The following EIF4G3 variants were observed in gnomAD, a reference collection of about 807,000 sequenced individuals.
EIF4G3 encodes eIF-4-gamma 3.
In EIF4G3, 34 loss-of-function variants were observed where a neutral mutation model predicts 186.4. That is an observed-to-expected ratio of 0.18 (90% CI 0.14 to 0.24). EIF4G3 has a LOEUF of 0.24. Ranked by LOEUF, EIF4G3 falls within the 10% of genes least tolerant of loss-of-function variation. The pLI is 1.00. For synonymous variants in EIF4G3, 673 were observed against 679.5 expected (o/e 0.99, Z 0.15); for missense variants, 1,536 against 1,948.5 (o/e 0.79, Z 3.99).
intron 2 of EIF4G3, among the ~76,000 whole-genome samples, chr1:21,166,928 C>T (rs1371863350): frequency 6.6e-6 from 1 of 151,906 alleles, no homozygotes; most frequent in South Asian, 2.1e-4. Context: ...ACTACAGGCA[C>T]GTGCAACCGC....
chr1:20,975,771 G>T (rs2076734711), intron 10 of EIF4G3, among the ~76,000 whole-genome samples: 1 of 151,896 alleles, frequency 6.6e-6, no homozygotes. Flanking sequence ...TCTTATGCAT[G>T]GAATGAAGTA....
chr1:20,892,054 A>G lies in EIF4G3; in HGVS notation c.2253+1463T>C, dbSNP rs2086262443. 3.3e-5 allele frequency among the ~76,000 whole-genome samples: 5 copies of G among 152,282 alleles called. No individual in the cohort carries two copies. In the South Asian group the frequency reaches 1.0e-3, roughly 32 times the overall value. On this transcript the variant is annotated intron_variant, in intron 18 of 36. Transcript: ENST00000602326. ...TGTAGGCATTCAAGTATACGCCATC[A>G]CTGTTCGGTTGCAGGAAAATAATCA...
At chr1:20,963,291 T>G (rs569342067) in intron 12 of EIF4G3, among the ~76,000 whole-genome samples, 6 of 152,202 alleles carry the variant, frequency 3.9e-5, no homozygotes, top group Non-Finnish European at 8.8e-5. Context: ...GTTTTCAAAT[T>G]ATCACAATGT....
At chr1:21,155,854 C>T (rs2097649920) in intron 2 of EIF4G3, among the ~76,000 whole-genome samples, 1 of 152,128 alleles carries the variant, frequency 6.6e-6, no homozygotes, top group African/African-American at 2.4e-5. Context: ...AAGCCGGGTG[C>T]AGTGGCTCAG....
intron 2 of EIF4G3, among the ~76,000 whole-genome samples, chr1:21,106,905 C>CT (rs2096628262): frequency 1.3e-5 from 2 of 152,268 alleles, no homozygotes; most frequent in South Asian, 2.1e-4. Flanking sequence ...ACTTTACACT[C>CT]TACTGTTGAC....
At chr1:20,971,274 G>C (rs886335923) in intron 11 of EIF4G3, among the ~76,000 whole-genome samples, 1 of 152,176 alleles carries the variant, frequency 6.6e-6, no homozygotes, top group East Asian at 1.9e-4. Context: ...AAACTACCTG[G>C]ATCTGGACGC....
intron 4 of EIF4G3, among the ~76,000 whole-genome samples, chr1:21,020,369 G>A (rs1344557986): frequency 1.3e-5 from 2 of 152,086 alleles, no homozygotes; most frequent in Admixed American, 6.6e-5. Context: ...GCATGCCTGT[G>A]GTCTGAGCTA....
intron 20 of EIF4G3, among the ~76,000 whole-genome samples, 182 bp downstream of exon 20, chr1:20,879,141 G>T (rs2081626373): frequency 6.6e-6 from 1 of 152,094 alleles, no homozygotes; most frequent in South Asian, 2.1e-4. Flanking sequence ...ATCCCCTCCA[G>T]AGGGGAGTAT....
Position 21,022,752 on chromosome 1 carries a change from T to C in EIF4G3, c.-66-19944A>G, listed in dbSNP as rs748953432. 2.8e-4 allele frequency among the ~76,000 whole-genome samples: 43 copies of C among 152,154 alleles called. 1 individual carries two copies. The highest frequency in any genetic ancestry group is 5.9e-4 in the Non-Finnish European group (40 of 68,008). On this transcript the variant is annotated intron_variant, in intron 4 of 36. Coordinates refer to ENST00000602326, the MANE Select transcript of EIF4G3 (RefSeq NM_001391906.1). ...CATGCGTCATCACAATTAAGCTAGG[T>C]CTATTTGGAAAAAACCAAGTCTCTC...
At chr1:20,844,568 A>G (rs1321939218) in intron 29 of EIF4G3, among the ~76,000 whole-genome samples, 1 of 151,844 alleles carries the variant, frequency 6.6e-6, no homozygotes, top group Non-Finnish European at 1.5e-5. Context: ...GGGGCCGGGC[A>G]TGGTGGCTTA....
chr1:20,857,611 C>A lies in EIF4G3; in HGVS notation c.3245-114G>T, dbSNP rs1571755550. 17 of 887,928 alleles carry A rather than the reference C, an allele frequency of 1.9e-5. No homozygotes were observed. The South Asian group carries it at 2.2e-4, about 12-fold the overall frequency. The allele number at this position is 887,928 out of a possible 1,614,324, so 55.0% of individuals were successfully genotyped here. A position where few individuals can be genotyped will look rare whatever the true frequency, so the allele number is the denominator to read the frequency against. ...AGAAAGACAACAGAAGATGTTAAAGCATTGATGACAATATCTTTAATCCCA... is the reference window on the plus strand; with the variant it reads ...AGAAAGACAACAGAAGATGTTAAAGAATTGATGACAATATCTTTAATCCCA... On this transcript the variant is annotated intron_variant, in intron 24 of 36. Transcript: ENST00000602326.
chr1:21,023,315 C>T lies in EIF4G3; in HGVS notation c.-66-20507G>A, dbSNP rs978969646. On this transcript the variant is annotated intron_variant, in intron 4 of 36. Transcript: ENST00000602326. ...TCTCTTTCCACGTCTCCCTCTCATGCGGAGCCAAAGCTGGACTGTACTGCT... is the reference window on the plus strand; with the variant it reads ...TCTCTTTCCACGTCTCCCTCTCATGTGGAGCCAAAGCTGGACTGTACTGCT... Among the ~76,000 whole-genome samples the T allele has an allele frequency of 4.2e-5, 6 of 141,946 alleles. No individual in the cohort carries two copies. The South Asian group carries it at 1.2e-3, about 29-fold the overall frequency. 93.1% of individuals were successfully genotyped at this position (141,946 alleles called of 152,430 possible).
At chr1:21,023,983 GGCCGCCCA>G (rs1557578168) in intron 4 of EIF4G3, among the ~76,000 whole-genome samples, 1 of 134,366 alleles carries the variant, frequency 7.4e-6, no homozygotes, top group Admixed American at 7.5e-5. Context: ...GTCTCTGCCC[GGCCGCCCA>G]GTCTGAGAAG....
chr1:20,967,004 T>C (rs1569808166), intron 12 of EIF4G3, among the ~76,000 whole-genome samples: 1 of 150,644 alleles, frequency 6.6e-6, no homozygotes, highest in East Asian at 1.9e-4. Context: ...ATTACTACTA[T>C]TGACTGATGG....
At chr1:20,926,542 G>A (rs536264772) in intron 14 of EIF4G3, among the ~76,000 whole-genome samples, 3 of 152,218 alleles carry the variant, frequency 2.0e-5, no homozygotes, top group South Asian at 4.1e-4. Flanking sequence ...GTGGTGTCAC[G>A]CATCTGTGGT....
chr1:21,019,666 C>T (rs551616062), intron 4 of EIF4G3, among the ~76,000 whole-genome samples: 2 of 152,286 alleles, frequency 1.3e-5, no homozygotes, highest in African/African-American at 4.8e-5. Context: ...AGACGGATCA[C>T]AAGGTCAAGA....
intron 3 of EIF4G3, among the ~76,000 whole-genome samples, chr1:21,088,893 G>T (rs2096083491): frequency 6.6e-6 from 1 of 151,778 alleles, no homozygotes; most frequent in Admixed American, 6.6e-5. Flanking sequence ...ATAATAATAA[G>T]GCCAGAGGTG....
At chr1:20,813,056 T>A in intron 35 of EIF4G3, 102 bp downstream of exon 35, 1 of 776,700 alleles carries the variant, frequency 1.3e-6, no homozygotes, top group Admixed American at 2.3e-5. Flanking sequence ...GTGAGCTACA[T>A]AGGAGAAGTT....
At chr1:20,982,455 A>G (rs1470067848) in intron 7 of EIF4G3, 47 bp from the exon 8 acceptor site, 1 of 1,495,554 alleles carries the variant, frequency 6.7e-7, no homozygotes, top group Admixed American at 2.1e-5. Flanking sequence ...AAGAAAGCCA[A>G]TGGAAAAGCT....
Sources: allele counts gnomAD v4.1 joint callset (sites outside exome capture counted in the v4.1 genomes callset), GRCh38; gene constraint gnomAD v4.1.1; transcripts MANE v1.5; gene names NCBI Gene and HGNC (gene_info 2026-07-23, HGNC 2026-07-21).